Variants in CACNA2D1 observed in about 807,000 individuals in gnomAD.
The protein encoded by CACNA2D1 is voltage-dependent calcium channel subunit alpha-2/delta-1.
Under a neutral mutation model 171.5 loss-of-function variants are expected in CACNA2D1, and 53 were observed. The ratio of observed to expected loss-of-function variants is 0.31; its 90% CI spans 0.25 to 0.39. CACNA2D1 has a LOEUF of 0.39. Ranked by LOEUF, CACNA2D1 falls within the 10% of genes least tolerant of loss-of-function variation. The pLI is 1.00. For missense variants in CACNA2D1, 903 were observed against 1,299.8 expected, an observed-to-expected ratio of 0.69 and a Z score of 4.69; for synonymous variants, 442 against 443.1, an observed-to-expected ratio of 1.00 and a Z score of 0.03.
chr7:81,984,797 A>G, intron 21 of CACNA2D1, 86 bp from the exon 22 acceptor site: 3 of 759,994 alleles, frequency 3.9e-6, no homozygotes, highest in Non-Finnish European at 7.0e-6. Context: ...TTCATGGGAA[A>G]ATCGAAAGAT....
At chr7:82,295,593 C>T (rs886703231) in intron 3 of CACNA2D1, among the ~76,000 whole-genome samples, 10 of 151,732 alleles carry the variant, frequency 6.6e-5, no homozygotes, top group East Asian at 1.9e-4. Context: ...TGAACTCAAG[C>T]GATCCTCCCA....
chr7:82,190,371 T>C (rs576457685), intron 3 of CACNA2D1, among the ~76,000 whole-genome samples: 9 of 151,856 alleles, frequency 5.9e-5, no homozygotes, highest in Non-Finnish European at 1.3e-4. Flanking sequence ...AAAAATCTGC[T>C]CCGTGGCACA....
chr7:82,181,838 T>C (rs1797169199), intron 3 of CACNA2D1, among the ~76,000 whole-genome samples: 2 of 152,184 alleles, frequency 1.3e-5, no homozygotes. Context: ...TTAACTTTAA[T>C]GTGAAAACAG....
chr7:82,059,356 G>C (rs1806323692), intron 10 of CACNA2D1, among the ~76,000 whole-genome samples: 1 of 152,114 alleles, frequency 6.6e-6, no homozygotes, highest in East Asian at 1.9e-4. Context: ...GAGGGTCTAT[G>C]ATGGTTCTGA....
At chr7:81,959,183 T>C (rs1231043796) in intron 38 of CACNA2D1, 92 bp downstream of exon 38, 1 of 877,212 alleles carries the variant, frequency 1.1e-6, no homozygotes, top group East Asian at 2.5e-5. Context: ...AGACATTACG[T>C]TTGAGTTAAA....
intron 2 of CACNA2D1, among the ~76,000 whole-genome samples, chr7:82,345,843 C>T (rs1012592036): frequency 1.3e-5 from 2 of 151,886 alleles, no homozygotes; most frequent in African/African-American, 2.4e-5. Flanking sequence ...ATACAGCTTC[C>T]ATCTCTGTTA....
Position 82,379,278 on chromosome 7 carries a change from T to C in CACNA2D1, c.96-29629A>G, listed in dbSNP as rs574952073. Among the ~76,000 whole-genome samples, 3 of 151,832 alleles carry C rather than the reference T, an allele frequency of 2.0e-5. No individual in the cohort carries two copies. In the South Asian group the frequency reaches 6.2e-4, roughly 31 times the overall value. ...CTACTGACTGACGAATTTCAAAGCA[T>C]AGATCACAAGAATCCATGGAAACAT... is the stretch of plus-strand genomic sequence containing the variant. On this transcript the variant is annotated intron_variant, in intron 1 of 38. Transcript: ENST00000356860.
intron 1 of CACNA2D1, among the ~76,000 whole-genome samples, chr7:82,350,987 C>A (rs1819791508): frequency 1.3e-5 from 2 of 152,192 alleles, no homozygotes; most frequent in African/African-American, 2.4e-5. Flanking sequence ...TAGAACCACA[C>A]AAACTTCCCC....
intron 2 of CACNA2D1, among the ~76,000 whole-genome samples, chr7:82,337,440 A>T (rs1265822571): frequency 3.2e-4 from 49 of 152,166 alleles, no homozygotes; most frequent in Non-Finnish European, 5.9e-5. Context: ...AAGGTTTCAT[A>T]TGGATTTTTA....
intron 7 of CACNA2D1, among the ~76,000 whole-genome samples, chr7:82,077,394 AC>A (rs369042014): frequency 3.3e-5 from 5 of 152,176 alleles, no homozygotes; most frequent in African/African-American, 1.2e-4. Flanking sequence ...AAAGAAGAAT[AC>A]CATTCTTTGC....
At chr7:82,279,743 A>C (rs527560404) in intron 3 of CACNA2D1, among the ~76,000 whole-genome samples, 22 of 152,334 alleles carry the variant, frequency 1.4e-4, no homozygotes, top group African/African-American at 4.8e-4. Flanking sequence ...TCTGTTGTTA[A>C]GATTTGAAAA....
intron 22 of CACNA2D1, among the ~76,000 whole-genome samples, chr7:81,983,727 A>ATATC: frequency 1.3e-5 from 2 of 152,316 alleles, no homozygotes; most frequent in South Asian, 4.1e-4. Flanking sequence ...AAAGACCATC[A>ATATC]TATCTATCTA....
intron 3 of CACNA2D1, among the ~76,000 whole-genome samples, chr7:82,271,857 T>C (rs61303227): frequency 6.6e-6 from 1 of 152,070 alleles, no homozygotes; most frequent in East Asian, 1.9e-4. Context: ...TCATAGACAA[T>C]AGATGATGGA....
At chr7:82,154,345 A>G (rs1794151495) in intron 4 of CACNA2D1, among the ~76,000 whole-genome samples, 1 of 152,176 alleles carries the variant, frequency 6.6e-6, no homozygotes, top group Admixed American at 6.5e-5. Flanking sequence ...GAGAACAAAG[A>G]ACCTGAGATA....
rs191745412 is a variant in CACNA2D1 at position 82,031,654 on chromosome 7, G to A, written c.1143+1143C>T. On this transcript the variant is annotated intron_variant, in intron 12 of 38. Coordinates refer to ENST00000356860, the MANE Select transcript of CACNA2D1 (RefSeq NM_000722.4). The stretch of plus-strand genomic sequence containing the variant: ...GATCATTTTCAAATACTCATAGGCC[G>A]AAAATTTTAGCACCTAGAGTATCTT... 3.4e-3 allele frequency among the ~76,000 whole-genome samples: 518 copies of A among 151,948 alleles called. 3 individuals carry two copies. The highest frequency in any genetic ancestry group is 5.6e-3 in the Admixed American group (85 of 15,226).
chr7:82,121,515 T>G (rs937466145), intron 5 of CACNA2D1, among the ~76,000 whole-genome samples: 1 of 152,204 alleles, frequency 6.6e-6, no homozygotes, highest in Admixed American at 6.5e-5. Flanking sequence ...GGTTGAATAT[T>G]AAATGATGAA....
chr7:81,971,930 A>G, intron 25 of CACNA2D1, 66 bp from the exon 26 acceptor site: 2 of 1,020,744 alleles, frequency 2.0e-6, no homozygotes, highest in Non-Finnish European at 3.1e-6. Context: ...TGAAAAATAT[A>G]TTTTCTATTT....
rs552800311 is a variant in CACNA2D1 at position 82,155,334 on chromosome 7, T to A, written c.354+15216A>T. Among the ~76,000 whole-genome samples, 142 of 152,244 alleles carry A rather than the reference T, an allele frequency of 9.3e-4. 1 individual carries two copies. Among genetic ancestry groups the A allele is most frequent in the Non-Finnish European group, 2.1e-4 (14 of 68,024 alleles). On this transcript the variant is annotated intron_variant, in intron 4 of 38. Coordinates refer to ENST00000356860, the MANE Select transcript of CACNA2D1 (RefSeq NM_000722.4). ...TTAAAAAGATATACATTATTACAAT[T>A]TGCAGATGAGGAAACTGATGTTCAG...
intron 6 of CACNA2D1, among the ~76,000 whole-genome samples, chr7:82,110,257 T>C (rs1224554001): frequency 6.6e-6 from 1 of 152,176 alleles, no homozygotes; most frequent in Admixed American, 6.5e-5. Context: ...ACCAATGTGA[T>C]ATTATCAGGA....
Sources: gnomAD v4.1 joint callset for allele counts (sites outside exome capture counted in the v4.1 genomes callset) on GRCh38, gnomAD v4.1.1 for gene constraint, MANE v1.5 for transcripts, NCBI Gene and HGNC (gene_info 2026-07-23, HGNC 2026-07-21) for gene names.